Variants in ABCG2 observed in about 807,000 individuals in gnomAD.
The protein encoded by ABCG2 is broad substrate specificity ATP-binding cassette transporter ABCG2.
Under a neutral mutation model 73.5 loss-of-function variants are expected in ABCG2, and 80 were observed. The ratio of observed to expected loss-of-function variants is 1.09; its 90% CI spans 0.91 to 1.31. The LOEUF (loss-of-function observed/expected upper bound fraction) is 1.31, where lower values mean the gene tolerates loss of function less well. ABCG2 is among the 50% of genes most tolerant of loss of function. The pLI, the probability that ABCG2 is intolerant of heterozygous loss-of-function variation, is 0.00. For missense variants in ABCG2, 796 were observed against 786.2 expected, an observed-to-expected ratio of 1.01 and a Z score of -0.15; for synonymous variants, 269 against 282.4, an observed-to-expected ratio of 0.95 and a Z score of 0.48.
intron 1 of ABCG2, among the ~76,000 whole-genome samples, chr4:88,226,431 G>A (rs1730215219): frequency 6.6e-6 from 1 of 152,186 alleles, no homozygotes; most frequent in South Asian, 2.1e-4. Context: ...AAGAACATTT[G>A]CTATTGGTGT....
At chr4:88,195,459 C>T (rs981176986) in intron 1 of ABCG2, among the ~76,000 whole-genome samples, 5 of 152,150 alleles carry the variant, frequency 3.3e-5, no homozygotes, top group East Asian at 3.8e-4. Flanking sequence ...ATCCTAGTCA[C>T]GTGGCACCAA....
chr4:88,220,432 G>T (rs1463135768), intron 1 of ABCG2: 3 of 152,188 alleles, frequency 2.0e-5, no homozygotes, highest in African/African-American at 7.2e-5. Flanking sequence ...CACCAACAGT[G>T]CACAAGAGTT....
At chr4:88,193,799 C>T (rs1007811588) in intron 1 of ABCG2, among the ~76,000 whole-genome samples, 1 of 152,104 alleles carries the variant, frequency 6.6e-6, no homozygotes, top group African/African-American at 2.4e-5. Context: ...GGCTGGAGTG[C>T]CATGGCATGA....
chr4:88,107,240 C>T lies in ABCG2; in HGVS notation c.1221G>A (p.Leu407=), dbSNP rs1722826270. 3 of 1,612,976 alleles carry T rather than the reference C, an allele frequency of 1.9e-6. No homozygotes were observed. The highest frequency in any genetic ancestry group is 2.7e-5 in the African/African-American group (2 of 74,878). ...GCCCAAAGTAAATGGCACCTATAAC[C>T]AGTCCCAGTACGACTGTGACAATGA... ...AQIIVTVVLG[L]VIGAIYFGLK... The change falls in exon 10 of 16, where the codon CTG becomes CTA. Residue 407 remains leucine, a synonymous_variant. Transcript: ENST00000237612.
intron 1 of ABCG2, among the ~76,000 whole-genome samples, chr4:88,165,843 C>T (rs1200822348): frequency 6.6e-6 from 1 of 151,502 alleles, no homozygotes; most frequent in Non-Finnish European, 1.5e-5. Context: ...CACTGCACTC[C>T]AGCCTGGGCA....
chr4:88,132,999 C>T (rs1262809254), intron 2 of ABCG2, among the ~76,000 whole-genome samples: 1 of 152,120 alleles, frequency 6.6e-6, no homozygotes, highest in Admixed American at 6.5e-5. Context: ...GGCATAGATT[C>T]CTCTAAATTC....
At chr4:88,105,624 G>A (rs778343553) in intron 10 of ABCG2, among the ~76,000 whole-genome samples, 6 of 152,098 alleles carry the variant, frequency 3.9e-5, no homozygotes, top group Non-Finnish European at 7.4e-5. Context: ...ACACCCCTAA[G>A]TCAAACATAT....
intron 9 of ABCG2, among the ~76,000 whole-genome samples, chr4:88,110,505 T>G (rs1578184590): frequency 6.6e-6 from 1 of 152,050 alleles, no homozygotes; most frequent in Non-Finnish European, 1.5e-5. Context: ...ACAGCACCAC[T>G]GCACTCCAGC....
intron 1 of ABCG2, among the ~76,000 whole-genome samples, chr4:88,172,742 A>G (rs1362364898): frequency 6.6e-6 from 1 of 152,122 alleles, no homozygotes; most frequent in Non-Finnish European, 1.5e-5. Context: ...TTCTTTTTTT[A>G]AACTTCCATT....
chr4:88,132,319 C>T (rs1179699017), intron 3 of ABCG2, among the ~76,000 whole-genome samples: 1 of 151,996 alleles, frequency 6.6e-6, no homozygotes, highest in Non-Finnish European at 1.5e-5. Flanking sequence ...ATTCTTTTTC[C>T]TCCCTATTAG....
intron 1 of ABCG2, among the ~76,000 whole-genome samples, chr4:88,155,653 C>G (rs948338867): frequency 6.6e-6 from 1 of 152,196 alleles, no homozygotes; most frequent in Non-Finnish European, 1.5e-5. Context: ...GCCTGTATTC[C>G]CAGCACTTGG....
At chr4:88,165,579 A>G (rs1727482354) in intron 1 of ABCG2, among the ~76,000 whole-genome samples, 1 of 152,208 alleles carries the variant, frequency 6.6e-6, no homozygotes, top group Admixed American at 6.5e-5. Flanking sequence ...TTTTAAAGTT[A>G]TTTGGGCCAG....
chr4:88,096,362 T>G (rs530485262), intron 13 of ABCG2, among the ~76,000 whole-genome samples: 2 of 152,344 alleles, frequency 1.3e-5, no homozygotes, highest in African/African-American at 4.8e-5. Flanking sequence ...CCTGACCAAG[T>G]GCTTAGCATA....
At chr4:88,159,472 T>G, upstream of ABCG2, 1 of 335,530 alleles carries the variant, frequency 3.0e-6, no homozygotes, top group South Asian at 2.2e-5. Context: ...TTCTTTACAC[T>G]CCTGTGACTG....
intron 1 of ABCG2, among the ~76,000 whole-genome samples, chr4:88,170,110 C>CAA (rs1161275708): frequency 3.8e-4 from 22 of 57,540 alleles, no homozygotes; most frequent in Admixed American, 7.1e-4. Context: ...GACTCCGTCT[C>CAA]AAAAAAAAAA....
intron 11 of ABCG2, among the ~76,000 whole-genome samples, chr4:88,100,496 G>C (rs1463659206): frequency 4.1e-5 from 6 of 147,630 alleles, no homozygotes; most frequent in Middle Eastern, 7.0e-3. Context: ...GAGCGAGCGA[G>C]ACTCTATGTC....
intron 5 of ABCG2, among the ~76,000 whole-genome samples, chr4:88,123,050 C>A (rs1022299837): frequency 5.9e-5 from 9 of 152,270 alleles, no homozygotes; most frequent in African/African-American, 2.2e-4. Flanking sequence ...CTGGAGTGGA[C>A]CTGCAGCAAA....
Position 88,211,111 on chromosome 4 carries a change from A to T in ABCG2, c.-20+19883T>A, listed in dbSNP as rs192876262. Among the ~76,000 whole-genome samples the T allele has an allele frequency of 2.7e-3, 413 of 151,130 alleles. 2 individuals carry two copies. The highest frequency in any genetic ancestry group is 0.017 in the Middle Eastern group (5 of 290). Reference sequence around the variant, plus strand: ...CCTAAAAAAATTAAAAAATAAAAAAAATATATATATATATGTAAAAGAAGA... The same window carrying T: ...CCTAAAAAAATTAAAAAATAAAAAATATATATATATATATGTAAAAGAAGA... On this transcript the variant is annotated intron_variant, in intron 1 of 15. Transcript: ENST00000515655.
chr4:88,161,040 G>A (rs1224644873), upstream of ABCG2, among the ~76,000 whole-genome samples: 1 of 151,686 alleles, frequency 6.6e-6, no homozygotes, highest in Non-Finnish European at 1.5e-5. Context: ...AATTACACTG[G>A]GTGTGGTGGC....
Sources: gnomAD v4.1 joint callset for allele counts (sites outside exome capture counted in the v4.1 genomes callset) on GRCh38, gnomAD v4.1.1 for gene constraint, MANE v1.5 for transcripts, NCBI Gene and HGNC (gene_info 2026-07-23, HGNC 2026-07-21) for gene names.